Variants in FGF13 observed in about 807,000 individuals in gnomAD.
FGF13 encodes fibroblast growth factor homologous factor 2.
FGF13 carries 2 observed loss-of-function variants against 19.5 expected under a neutral mutation model. That is an observed-to-expected ratio of 0.10 (90% CI 0.04 to 0.32). The LOEUF (loss-of-function observed/expected upper bound fraction) is 0.32. Ranked by LOEUF, FGF13 falls within the 10% of genes least tolerant of loss-of-function variation. The probability of loss-of-function intolerance (pLI) is 1.00; values close to 1 mark genes in which losing one functional copy is unlikely to be tolerated. For synonymous variants in FGF13, 72 were observed against 76.9 expected, an observed-to-expected ratio of 0.94 and a Z score of 0.33; for missense variants, 113 against 192.7, an observed-to-expected ratio of 0.59 and a Z score of 2.45.
chrX:138,711,164 G>C lies in FGF13; in HGVS notation c.-161C>G. 3 of 1,076,637 alleles carry C rather than the reference G, an allele frequency of 2.8e-6. No individual in the cohort carries two copies. Among genetic ancestry groups the C allele is most frequent in the Non-Finnish European group, 3.6e-6 (3 of 835,532 alleles). The allele number at this position is 1,076,637 out of a possible 1,213,427, so 88.7% of individuals were successfully genotyped here. On this transcript the variant is annotated 5_prime_UTR_variant, in exon 1 of 5. Transcript: ENST00000315930. ...TCTCCGCACTCGGGCTTCAGCCAAG[G>C]AGGGGGCTCAGCATGCCGTCCGAGC...
At chrX:139,018,116 A>C (rs1327335502) in intron 1 of FGF13, among the ~76,000 whole-genome samples, 2 of 111,579 alleles carry the variant, frequency 1.8e-5, no homozygotes, top group Non-Finnish European at 3.8e-5. Flanking sequence ...GGTGAAAGGC[A>C]AGAATGGTTT....
chrX:138,872,211 C>G (rs757684868), intron 1 of FGF13, among the ~76,000 whole-genome samples: 1 of 111,665 alleles, frequency 9.0e-6, no homozygotes, highest in Non-Finnish European at 1.9e-5. Flanking sequence ...TATAGATACC[C>G]TTTGATAATA....
chrX:139,192,144 G>A (rs1447006798), intron 1 of FGF13, among the ~76,000 whole-genome samples: 1 of 111,858 alleles, frequency 8.9e-6, no homozygotes, highest in Non-Finnish European at 1.9e-5. Flanking sequence ...GATGAATAGG[G>A]CCGAGAAGGT....
At chrX:138,809,212 C>A (rs758431505) in intron 3 of FGF13, among the ~76,000 whole-genome samples, 2 of 111,856 alleles carry the variant, frequency 1.8e-5, no homozygotes, top group East Asian at 5.6e-4. Context: ...TACTGGCAAA[C>A]CGAATCCAGC....
intron 1 of FGF13, among the ~76,000 whole-genome samples, chrX:139,002,401 A>C (rs1395731785): frequency 4.5e-5 from 5 of 111,729 alleles, no homozygotes; most frequent in Non-Finnish European, 9.4e-5. Flanking sequence ...ATGGAACTTT[A>C]ATAAATCTAA....
At chrX:139,031,742 C>T (rs2092227312) in intron 1 of FGF13, among the ~76,000 whole-genome samples, 1 of 108,829 alleles carries the variant, frequency 9.2e-6, no homozygotes, top group Non-Finnish European at 1.9e-5. Context: ...CAAACATGCT[C>T]CAGAAGTTTG....
chrX:138,760,133 TG>T (rs1038030972), intron 3 of FGF13, among the ~76,000 whole-genome samples: 2 of 111,200 alleles, frequency 1.8e-5, no homozygotes, highest in Non-Finnish European at 3.8e-5. Flanking sequence ...CAAAGATGTT[TG>T]TGCCAGAGTT....
intron 3 of FGF13, among the ~76,000 whole-genome samples, chrX:138,775,681 A>G (rs1265596387): frequency 8.9e-6 from 1 of 112,523 alleles, no homozygotes; most frequent in Non-Finnish European, 1.9e-5. Flanking sequence ...TGGTAATGAT[A>G]TATCACTCCA....
upstream of FGF13, chrX:138,714,891 G>C (rs1414004472): frequency 8.9e-6 from 1 of 111,860 alleles, no homozygotes; most frequent in Non-Finnish European, 1.9e-5. Context: ...TGGGCCAATA[G>C]TACGACATTT....
At chrX:139,138,875 TC>T (rs1569456944) in intron 1 of FGF13, among the ~76,000 whole-genome samples, 1 of 110,588 alleles carries the variant, frequency 9.0e-6, no homozygotes, top group Non-Finnish European at 1.9e-5. Flanking sequence ...CTGACCCAGG[TC>T]TTTTGATTCT....
At chrX:139,182,637 G>C (rs984727275) in intron 1 of FGF13, among the ~76,000 whole-genome samples, 1 of 111,414 alleles carries the variant, frequency 9.0e-6, no homozygotes, top group Non-Finnish European at 1.9e-5. Context: ...TCGGGATGGG[G>C]TGGGGAAGGT....
chrX:138,877,598 T>C (rs1478642805), intron 1 of FGF13, among the ~76,000 whole-genome samples: 1 of 112,045 alleles, frequency 8.9e-6, no homozygotes, highest in African/African-American at 3.2e-5. Flanking sequence ...CTTTCTATCC[T>C]TCTCTTCCCC....
intron 1 of FGF13, among the ~76,000 whole-genome samples, chrX:139,091,883 A>G (rs1412394725): frequency 1.8e-5 from 2 of 110,254 alleles, no homozygotes; most frequent in African/African-American, 6.6e-5. Context: ...ACAAGAAGCT[A>G]GGGAGGGGAG....
At chrX:138,953,138 T>C (rs1440997986) in intron 1 of FGF13, among the ~76,000 whole-genome samples, 1 of 110,951 alleles carries the variant, frequency 9.0e-6, no homozygotes, top group Non-Finnish European at 1.9e-5. Context: ...CGTATGTTTA[T>C]TGCGGCACTA....
chrX:138,728,044 C>T (rs1021061628), intron 1 of FGF13, among the ~76,000 whole-genome samples: 7 of 111,239 alleles, frequency 6.3e-5, no homozygotes, highest in South Asian at 7.5e-4. Flanking sequence ...AAGAAAAATG[C>T]GTGAATTAAT....
intron 1 of FGF13, among the ~76,000 whole-genome samples, chrX:138,966,125 G>T (rs907620813): frequency 5.4e-5 from 6 of 111,730 alleles, no homozygotes; most frequent in Admixed American, 1.9e-4. Flanking sequence ...CACTCATGGA[G>T]AATCTCTTCT....
chrX:139,173,236 C>A (rs935083749), intron 1 of FGF13, among the ~76,000 whole-genome samples: 1 of 111,094 alleles, frequency 9.0e-6, no homozygotes, highest in Non-Finnish European at 1.9e-5. Context: ...GACTTTAGTC[C>A]CAGCTGAGCT....
intron 1 of FGF13, among the ~76,000 whole-genome samples, chrX:139,040,036 C>T (rs759162632): frequency 8.9e-6 from 1 of 112,111 alleles, no homozygotes; most frequent in Non-Finnish European, 1.9e-5. Flanking sequence ...CCTGAGAGAA[C>T]TTATGGATGA....
intron 1 of FGF13, among the ~76,000 whole-genome samples, chrX:139,041,883 C>A (rs181517813): frequency 8.9e-6 from 1 of 111,917 alleles, no homozygotes; most frequent in Non-Finnish European, 1.9e-5. Context: ...TGTTCAAATT[C>A]GGGTAATAAA....
Sources: gnomAD v4.1 joint callset for allele counts (sites outside exome capture counted in the v4.1 genomes callset) on GRCh38, gnomAD v4.1.1 for gene constraint, MANE v1.5 for transcripts, NCBI Gene and HGNC (gene_info 2026-07-23, HGNC 2026-07-21) for gene names.